The following ARHGEF37 variants were observed in gnomAD, a reference collection of about 807,000 sequenced individuals.
ARHGEF37 encodes the protein Rho guanine nucleotide exchange factor 37, also known as Rho guanine nucleotide exchange factor (GEF) 37.
ARHGEF37 carries 55 observed loss-of-function variants against 71.1 expected under a neutral mutation model. The observed-to-expected ratio is 0.77, with a 90% CI of 0.62 to 0.97. ARHGEF37 has a LOEUF of 0.97. ARHGEF37 is among the 50% of genes least tolerant of loss of function. ARHGEF37 has a pLI of 0.00. For missense variants in ARHGEF37, 765 were observed against 836.8 expected (o/e 0.91, Z 1.06); for synonymous variants, 327 against 350.6 (o/e 0.93, Z 0.75).
chr5:149,604,113 A>T (rs1331859575), intron 3 of ARHGEF37, among the ~76,000 whole-genome samples: 2 of 152,064 alleles, frequency 1.3e-5, no homozygotes, highest in African/African-American at 2.4e-5. Flanking sequence ...CTATAGCTAC[A>T]TGTTTGAGGT....
At chr5:149,595,875 G>A (rs562278413) in intron 1 of ARHGEF37, among the ~76,000 whole-genome samples, 1 of 152,048 alleles carries the variant, frequency 6.6e-6, no homozygotes, top group East Asian at 1.9e-4. Flanking sequence ...TTATGAAGGA[G>A]ACCTTTTTTC....
chr5:149,585,924 T>C (rs1218891577), intron 1 of ARHGEF37, among the ~76,000 whole-genome samples: 1 of 152,220 alleles, frequency 6.6e-6, no homozygotes, highest in East Asian at 1.9e-4. Context: ...TATGACCATA[T>C]CAGTCTAACT....
intron 3 of ARHGEF37, among the ~76,000 whole-genome samples, chr5:149,607,477 G>A (rs1196636644): frequency 6.6e-6 from 1 of 152,136 alleles, no homozygotes; most frequent in Non-Finnish European, 1.5e-5. Flanking sequence ...CTCTTTATTT[G>A]GCTCCGTTTT....
chr5:149,556,387 T>TATTTATTC (rs1762756502), intron 1 of ARHGEF37, among the ~76,000 whole-genome samples: 1 of 151,184 alleles, frequency 6.6e-6, no homozygotes, highest in Admixed American at 6.6e-5. Context: ...TTTATTTATT[T>TATTTATTC]ATTTATTTAT....
chr5:149,558,689 ATATGTGTGTGTG>A (rs1463561400), intron 1 of ARHGEF37, among the ~76,000 whole-genome samples: 14 of 52,650 alleles, frequency 2.7e-4, no homozygotes, highest in South Asian at 8.0e-4. Flanking sequence ...AACCATATAT[ATATGTGTGTGTG>A]TGTGTGTGTG....
intron 3 of ARHGEF37, 100 bp from the exon 4 acceptor site, chr5:149,609,448 C>A: frequency 7.5e-7 from 1 of 1,336,762 alleles, no homozygotes. Flanking sequence ...CCAGCAATCT[C>A]ACTGGAGAGC....
At chr5:149,567,609 T>C (rs992067124) in intron 1 of ARHGEF37, among the ~76,000 whole-genome samples, 1 of 152,246 alleles carries the variant, frequency 6.6e-6, no homozygotes, top group African/African-American at 2.4e-5. Flanking sequence ...TATGAACTTA[T>C]GGATTATTAT....
chr5:149,591,960 C>A (rs1338740593), intron 1 of ARHGEF37, among the ~76,000 whole-genome samples: 1 of 152,080 alleles, frequency 6.6e-6, no homozygotes, highest in East Asian at 1.9e-4. Context: ...AGGACATAAC[C>A]TCATTGTAAG....
At chr5:149,568,835 T>TA (rs1762929400) in intron 1 of ARHGEF37, among the ~76,000 whole-genome samples, 1 of 147,682 alleles carries the variant, frequency 6.8e-6, no homozygotes, top group South Asian at 2.2e-4. Context: ...AAAAAAAAGA[T>TA]ACAGTACATT....
chr5:149,618,846 G>A (rs1752452727), intron 6 of ARHGEF37, 92 bp from the exon 7 acceptor site: 1 of 1,038,550 alleles, frequency 9.6e-7, no homozygotes, highest in African/African-American at 1.6e-5. Flanking sequence ...CGAGTCTGTG[G>A]AAAGGTTGTC....
chr5:149,568,880 C>CT (rs1762930195), intron 1 of ARHGEF37, among the ~76,000 whole-genome samples: 1 of 150,478 alleles, frequency 6.6e-6, no homozygotes, highest in African/African-American at 2.4e-5. Context: ...AAGTCTTTTC[C>CT]TAGTCAGTCA....
intron 1 of ARHGEF37, among the ~76,000 whole-genome samples, chr5:149,554,199 T>A (rs1006425066): frequency 6.6e-6 from 1 of 152,034 alleles, no homozygotes; most frequent in Admixed American, 6.6e-5. Context: ...GTACGGTGGC[T>A]CATGCATGTA....
intron 2 of ARHGEF37, among the ~76,000 whole-genome samples, chr5:149,598,354 TTCCTCTTCCTCTTCTTCCTCTTCC>T (rs1475107027): frequency 2.9e-5 from 2 of 69,486 alleles, no homozygotes; most frequent in Admixed American, 3.2e-4. Context: ...CCTCTTCTTC[TTCCTCTTCCTCTTCTTCCTCTTCC>T]TCTTCTTCCT....
At chr5:149,603,328 A>C (rs1015264564) in intron 3 of ARHGEF37, among the ~76,000 whole-genome samples, 2 of 152,148 alleles carry the variant, frequency 1.3e-5, no homozygotes, top group Admixed American at 1.3e-4. Context: ...CTTCATCTCA[A>C]AATAACCCTG....
Position 149,618,975 on chromosome 5 carries a change from TC to T in ARHGEF37, c.829del (p.Gln277SerfsTer7), listed in dbSNP as rs1752456699. On this transcript the variant is annotated frameshift_variant, in exon 7 of 13. Transcript: ENST00000333677. LOFTEE classifies it high-confidence loss of function. Reference sequence around the variant, plus strand: ...GAATTTGATGATTTAGAAGAGAGGTTCCAGTGGGTGTCTCTGTGTGTGACTG... The same window carrying T: ...GAATTTGATGATTTAGAAGAGAGGTTCAGTGGGTGTCTCTGTGTGTGACTG... ...DKEFDDLEER[F>X]QWVSLCVTEL... 4.3e-6 allele frequency: 7 copies of T among 1,614,146 alleles called. No individual in the cohort carries two copies. Among genetic ancestry groups the T allele is most frequent in the Non-Finnish European group, 5.9e-6 (7 of 1,180,008 alleles).
At chr5:149,562,546 T>C (rs1762846829) in intron 1 of ARHGEF37, among the ~76,000 whole-genome samples, 2 of 152,182 alleles carry the variant, frequency 1.3e-5, no homozygotes, top group Admixed American at 1.3e-4. Flanking sequence ...GGGTTCACGC[T>C]ATCCTCCTGC....
At chr5:149,626,837 C>T (rs1752698692) in intron 10 of ARHGEF37, 1 of 378,594 alleles carries the variant, frequency 2.6e-6, no homozygotes, top group African/African-American at 2.1e-5. Context: ...GATTTCAGAA[C>T]TTGAATTGGA....
intron 1 of ARHGEF37, among the ~76,000 whole-genome samples, chr5:149,582,776 A>G (rs1307616720): frequency 3.3e-5 from 5 of 152,112 alleles, no homozygotes; most frequent in Non-Finnish European, 7.4e-5. Flanking sequence ...TATTATGTAC[A>G]CAGTTTAAAA....
intron 1 of ARHGEF37, among the ~76,000 whole-genome samples, chr5:149,561,712 C>T (rs1054881011): frequency 2.6e-5 from 4 of 152,136 alleles, no homozygotes; most frequent in African/African-American, 7.2e-5. Context: ...CAGTCTGTCC[C>T]GGCAATATTT....
Sources: allele counts gnomAD v4.1 joint callset (sites outside exome capture counted in the v4.1 genomes callset), GRCh38; gene constraint gnomAD v4.1.1; transcripts MANE v1.5; gene names NCBI Gene and HGNC (gene_info 2026-07-23, HGNC 2026-07-21).